Variants in ZDHHC5 observed in about 807,000 individuals in gnomAD.
ZDHHC5 encodes the protein zDHHC palmitoyltransferase 5, also known as palmitoyltransferase ZDHHC5.
A neutral mutation model predicts 70.0 loss-of-function variants in ZDHHC5; 22 were observed. That is an observed-to-expected ratio of 0.31 (90% confidence interval 0.22 to 0.45). ZDHHC5 has a LOEUF of 0.45. Among genes scored for constraint, ZDHHC5 ranks in the 20% least tolerant of loss-of-function variants. ZDHHC5 has a pLI of 1.00. For synonymous variants in ZDHHC5, 313 were observed against 347.8 expected (o/e 0.90, Z 1.11); for missense variants, 746 against 926.9 (o/e 0.80, Z 2.53).
At chr11:57,677,562 C>G (rs1156845119) in intron 2 of ZDHHC5, among the ~76,000 whole-genome samples, 1 of 152,026 alleles carries the variant, frequency 6.6e-6, no homozygotes, top group East Asian at 1.9e-4. Flanking sequence ...CCTGGGATTA[C>G]AGTCGTGAGC....
intron 3 of ZDHHC5, among the ~76,000 whole-genome samples, chr11:57,683,224 A>C (rs1946169723): frequency 6.6e-6 from 1 of 152,230 alleles, no homozygotes; most frequent in South Asian, 2.1e-4. Context: ...TACTAAGTTA[A>C]ATAGATCATA....
chr11:57,671,053 T>C (rs1194885703), intron 1 of ZDHHC5, among the ~76,000 whole-genome samples: 1 of 152,184 alleles, frequency 6.6e-6, no homozygotes, highest in African/African-American at 2.4e-5. Context: ...AGATTCCAAG[T>C]TATCATCTCT....
At chr11:57,690,855 G>C (rs1176095649) in intron 6 of ZDHHC5, among the ~76,000 whole-genome samples, 1 of 152,138 alleles carries the variant, frequency 6.6e-6, no homozygotes, top group Non-Finnish European at 1.5e-5. Flanking sequence ...TTGTGGGGCA[G>C]GGGGAGCGGG....
intron 3 of ZDHHC5, among the ~76,000 whole-genome samples, chr11:57,683,550 A>G (rs1039051463): frequency 1.3e-5 from 2 of 152,216 alleles, no homozygotes; most frequent in African/African-American, 4.8e-5. Flanking sequence ...AAGAATGTCA[A>G]ACGGGTTTGG....
At chr11:57,674,402 C>T (rs541901553) in intron 2 of ZDHHC5, among the ~76,000 whole-genome samples, 1 of 150,542 alleles carries the variant, frequency 6.6e-6, no homozygotes, top group Non-Finnish European at 1.5e-5. Flanking sequence ...TACCAGGCTT[C>T]TGAGCCTTAT....
chr11:57,669,341 A>G (rs1945971902), intron 1 of ZDHHC5, among the ~76,000 whole-genome samples: 1 of 152,256 alleles, frequency 6.6e-6, no homozygotes, highest in Non-Finnish European at 1.5e-5. Flanking sequence ...ATTTAAGGAA[A>G]TACCTGTATT....
Position 57,698,726 on chromosome 11 carries a change from C to T in ZDHHC5, c.1290C>T (p.Leu430=), listed in dbSNP as rs1565199632. ...CCAGTGGCTCACGCTCCTCCAGCCTCAAGTCAGCCCAGGGCACAGGCTTTG... is the reference window on the plus strand; with the variant it reads ...CCAGTGGCTCACGCTCCTCCAGCCTTAAGTCAGCCCAGGGCACAGGCTTTG... The part of the protein sequence containing the change: ...PLSSGSRSSS[L]KSAQGTGFEL... The change falls in exon 11 of 12, where the codon CTC becomes CTT. Residue 430 remains leucine (L), a synonymous_variant. Coordinates refer to ENST00000287169, the MANE Select transcript of ZDHHC5 (RefSeq NM_015457.3). 4 of 1,614,114 alleles carry T rather than the reference C, an allele frequency of 2.5e-6. No individual in the cohort carries two copies. The highest frequency in any genetic ancestry group is 3.3e-4 in the Middle Eastern group (2 of 6,084).
chr11:57,674,043 A>C (rs1946040212), intron 2 of ZDHHC5, among the ~76,000 whole-genome samples: 1 of 152,202 alleles, frequency 6.6e-6, no homozygotes, highest in Non-Finnish European at 1.5e-5. Context: ...TACTCTTAAG[A>C]ACAGAAGCCT....
intron 9 of ZDHHC5, among the ~76,000 whole-genome samples, chr11:57,696,386 T>C (rs1946352087): frequency 6.6e-6 from 1 of 152,138 alleles, no homozygotes; most frequent in Non-Finnish European, 1.5e-5. Context: ...TACCTTGTCC[T>C]CTCCCTGTAC....
In ZDHHC5 at chr11:57,700,061, C is replaced by G; in HGVS notation, c.*30C>G. 1 of 1,535,812 alleles carries G rather than the reference C, an allele frequency of 6.5e-7. No individual in the cohort carries two copies. Among genetic ancestry groups the G allele is most frequent in the Non-Finnish European group, 8.7e-7 (1 of 1,143,874 alleles). On this transcript the variant is annotated 3_prime_UTR_variant, in exon 12 of 12. Coordinates refer to ENST00000287169, the MANE Select transcript of ZDHHC5 (RefSeq NM_015457.3). ...TCGGCACCTCCCCTCCCCAACGCCT[C>G]TGCGCCTACACCAAAGGGCCCCAGG...
rs749501188 is a variant in ZDHHC5 at position 57,690,017 on chromosome 11, C to G, written c.385-14C>G. 39 of 1,613,792 alleles carry G rather than the reference C, an allele frequency of 2.4e-5. No individual in the cohort carries two copies. The South Asian group carries it at 4.1e-4, about 17-fold the overall frequency. On this transcript the variant is annotated splice_polypyrimidine_tract_variant and intron_variant, in intron 4 of 11. Coordinates refer to ENST00000287169, the MANE Select transcript of ZDHHC5 (RefSeq NM_015457.3). Reference sequence around the variant, plus strand: ...GTCCAGGGATGCCTCTCATCTGTCTCTCTTTGTCCCTAGGAATTTGATCAT... The same window carrying G: ...GTCCAGGGATGCCTCTCATCTGTCTGTCTTTGTCCCTAGGAATTTGATCAT...
At position 57,699,857 on chromosome 11, in the gene ZDHHC5, T is replaced by C; in HGVS notation, c.1983-9T>C. On this transcript the variant is annotated splice_polypyrimidine_tract_variant and intron_variant, in intron 11 of 11. Transcript: ENST00000287169. Reference sequence around the variant, plus strand: ...TTCCTGACACCTACGTCTTGTCTCTTCTTTCCAGAGATGAAGTACAGCTGA... The same window carrying C: ...TTCCTGACACCTACGTCTTGTCTCTCCTTTCCAGAGATGAAGTACAGCTGA... 6.2e-7 allele frequency: 1 copy of C among 1,614,208 alleles called. No individual in the cohort carries two copies. Among genetic ancestry groups the C allele is most frequent in the Non-Finnish European group, 8.5e-7 (1 of 1,180,020 alleles).
chr11:57,681,309 G>A (rs1946147343), intron 2 of ZDHHC5, among the ~76,000 whole-genome samples: 2 of 152,132 alleles, frequency 1.3e-5, no homozygotes, highest in Admixed American at 1.3e-4. Flanking sequence ...TTGTTCTCCT[G>A]TCCTCTTCTT....
Position 57,700,351 on chromosome 11 carries a change from T to A in ZDHHC5, c.*320T>A, listed in dbSNP as rs1030415377. 1.1e-5 allele frequency: 2 copies of A among 179,392 alleles called. No individual in the cohort carries two copies. The highest frequency in any genetic ancestry group is 5.8e-5 in the Admixed American group (1 of 17,360). 11.1% of individuals were successfully genotyped at this position (179,392 alleles called of 1,614,324 possible). A position where few individuals can be genotyped will look rare whatever the true frequency, so the allele number is the denominator to read the frequency against. ...CATTTTTAAACCAGAAATAATTTTT[T>A]TTATTATTGTTACGGATTCTATTTT... is the stretch of plus-strand genomic sequence containing the variant. On this transcript the variant is annotated 3_prime_UTR_variant, in exon 12 of 12. Transcript: ENST00000287169.
At position 57,689,352 on chromosome 11, in the gene ZDHHC5, C is replaced by T. The variant is rs187929900; in HGVS notation, c.385-679C>T. On this transcript the variant is annotated intron_variant, in intron 4 of 11. Transcript: ENST00000287169. ...GTCACATAGGATAAACATTGAGAGC[C>T]GGCCTTGGTCTTTTTTATATATATA... is the stretch of plus-strand genomic sequence containing the variant. 2.0e-4 allele frequency among the ~76,000 whole-genome samples: 30 copies of T among 151,786 alleles called. No individual in the cohort carries two copies. The South Asian group carries it at 3.7e-3, about 19-fold the overall frequency.
chr11:57,683,888 CCGAT>C (rs1190795817), intron 3 of ZDHHC5, among the ~76,000 whole-genome samples: 1 of 151,938 alleles, frequency 6.6e-6, no homozygotes, highest in Non-Finnish European at 1.5e-5. Flanking sequence ...CATCAAATAG[CCGAT>C]GGTTGGCAGT....
chr11:57,691,311 A>T (rs1946282229), intron 6 of ZDHHC5, among the ~76,000 whole-genome samples: 1 of 152,120 alleles, frequency 6.6e-6, no homozygotes, highest in Non-Finnish European at 1.5e-5. Context: ...ACCTCAGGTG[A>T]TCCACCCACC....
chr11:57,687,756 G>GTTTTTTTTTTTTT (rs746146074), intron 3 of ZDHHC5, among the ~76,000 whole-genome samples: 2 of 75,274 alleles, frequency 2.7e-5, no homozygotes, highest in African/African-American at 1.0e-4. Context: ...TTTTGGGAAA[G>GTTTTTTTTTTTTT]TTTTTTTTTT....
chr11:57,699,174 G>T lies in ZDHHC5; in HGVS notation c.1738G>T (p.Ala580Ser). Residue 580 changes from alanine (A) to serine (S), a missense_variant, in exon 11 of 12, where the codon GCC (alanine) becomes TCC (serine). By Grantham distance (99) the Ala-to-Ser change is moderately conservative. Around this residue, in one of 6 missense-constraint regions of ZDHHC5, gnomAD observed 340 missense variants for 350.1 expected, o/e 0.97. Coordinates refer to ENST00000287169, the MANE Select transcript of ZDHHC5 (RefSeq NM_015457.3). ...GIQSTPGSGH[A>S]PRTSSSSDDS... is the part of the protein sequence containing the mutation. ...TCAGTCAACACCAGGCTCGGGCCAT[G>T]CCCCTCGTACTAGTTCCTCCTCAGA... The T allele has an allele frequency of 6.2e-7, 1 of 1,614,258 alleles. No individual in the cohort carries two copies. Among genetic ancestry groups the T allele is most frequent in the Middle Eastern group, 1.6e-4 (1 of 6,062 alleles).
Sources: gnomAD v4.1 joint callset for allele counts (sites outside exome capture counted in the v4.1 genomes callset) on GRCh38, gnomAD v4.1.1 for gene constraint, gnomAD v4.1.1 regional missense constraint, MANE v1.5 for transcripts, NCBI Gene and HGNC (gene_info 2026-07-23, HGNC 2026-07-21) for gene names.